Variants in SND1 observed in about 807,000 individuals in gnomAD.
SND1 encodes staphylococcal nuclease and tudor domain containing 1.
A neutral mutation model predicts 121.7 loss-of-function variants in SND1; 38 were observed. The ratio of observed to expected loss-of-function variants is 0.31; its 90% CI spans 0.24 to 0.41. The LOEUF (loss-of-function observed/expected upper bound fraction) is 0.41. Ranked by LOEUF, SND1 falls within the 10% of genes least tolerant of loss-of-function variation. The pLI is 1.00. For missense variants in SND1, 868 were observed against 1,184.6 expected (o/e 0.73, Z 3.92); for synonymous variants, 401 against 447.4 (o/e 0.90, Z 1.31).
At position 128,042,728 on chromosome 7, in the gene SND1, A is replaced by T. The variant is rs147131788; in HGVS notation, c.1780-31774A>T. Among the ~76,000 whole-genome samples the T allele has an allele frequency of 1.6e-3, 247 of 152,364 alleles. 1 individual carries two copies. The highest frequency in any genetic ancestry group is 4.8e-3 in the African/African-American group (199 of 41,582). ...AGAATTCTGCTCCTGAACATCTGGTAGCTGCAAGGTAAAATTCTTTACCAA... is the reference window on the plus strand; with the variant it reads ...AGAATTCTGCTCCTGAACATCTGGTTGCTGCAAGGTAAAATTCTTTACCAA... On this transcript the variant is annotated intron_variant, in intron 16 of 23. Coordinates refer to ENST00000354725, the MANE Select transcript of SND1 (RefSeq NM_014390.4).
intron 10 of SND1, among the ~76,000 whole-genome samples, chr7:127,786,392 A>C (rs1299837002): frequency 6.6e-6 from 1 of 152,184 alleles, no homozygotes; most frequent in African/African-American, 2.4e-5. Flanking sequence ...TTAAAATCTC[A>C]TTGGGAACAA....
chr7:127,701,231 A>G lies in SND1; in HGVS notation c.497A>G (p.Glu166Gly). 1 of 1,614,056 alleles carries G rather than the reference A, an allele frequency of 6.2e-7. No homozygotes were observed. Among genetic ancestry groups the G allele is most frequent in the Non-Finnish European group, 8.5e-7 (1 of 1,179,948 alleles). The change falls in exon 5 of 24, where the codon GAG becomes GGG. Residue 166 changes from glutamate to glycine, a missense_variant. Around this residue, in one of 2 missense-constraint regions of SND1, gnomAD observed 743 missense variants for 1,071.3 expected, o/e 0.69. Transcript: ENST00000354725. Reference sequence around the variant, plus strand: ...GCAGCCAAGAAAGGGATGTGGAGTGAGGGGAACGGTTCACATACTATCCGG... The same window carrying G: ...GCAGCCAAGAAAGGGATGTGGAGTGGGGGGAACGGTTCACATACTATCCGG... ...AKAAKKGMWSEGNGSHTIRDL... is the reference protein window; with the variant it reads ...AKAAKKGMWSGGNGSHTIRDL...
chr7:127,707,624 A>G lies in SND1; in HGVS notation c.1015A>G (p.Lys339Glu), dbSNP rs758301112. 2 of 1,614,078 alleles carry G rather than the reference A, an allele frequency of 1.2e-6. No individual in the cohort carries two copies. The highest frequency in any genetic ancestry group is 1.1e-5 in the South Asian group (1 of 91,078). ...GGCTCCCACAGCTAATTTGGACCAA[A>G]AGGACAAGCAGTTTGTTGCCAAGGT... Reference protein sequence around the residue: ...YVAPTANLDQKDKQFVAKVMQ... With the variant: ...YVAPTANLDQEDKQFVAKVMQ... The change falls in exon 9 of 24, where the codon AAG becomes GAG. Residue 339 changes from lysine to glutamate, a missense_variant. Lys to Glu is a moderately conservative substitution (Grantham distance 56). Around this residue, in one of 2 missense-constraint regions of SND1, gnomAD observed 743 missense variants for 1,071.3 expected, o/e 0.69. Transcript: ENST00000354725.
rs559123607 is a variant in SND1, at chr7:127,781,593, T to G, written c.1153-25891T>G. On this transcript the variant is annotated intron_variant, in intron 10 of 23. Coordinates refer to ENST00000354725, the MANE Select transcript of SND1 (RefSeq NM_014390.4). ...AAACTTTTTTGTTCATTTGATTTTT[T>G]TTTTTCCACTTGGAATAGAAATCCG... is the stretch of plus-strand genomic sequence containing the variant. 1.4e-3 allele frequency among the ~76,000 whole-genome samples: 211 copies of G among 152,318 alleles called. 8 individuals are homozygous for G. The East Asian group carries it at 0.038, about 28-fold the overall frequency.
At chr7:127,908,386 C>T (rs539361334) in intron 14 of SND1, among the ~76,000 whole-genome samples, 1 of 150,832 alleles carries the variant, frequency 6.6e-6, no homozygotes, top group African/African-American at 2.4e-5. Context: ...ATCTGCGTCT[C>T]TTACACCTAT....
At chr7:127,663,251 G>A (rs1354686318) in intron 1 of SND1, among the ~76,000 whole-genome samples, 3 of 152,086 alleles carry the variant, frequency 2.0e-5, no homozygotes, top group Non-Finnish European at 2.9e-5. Context: ...ATGCTATGTA[G>A]ATAGTTGCTA....
At chr7:127,660,889 C>G (rs1258609232) in intron 1 of SND1, among the ~76,000 whole-genome samples, 2 of 152,000 alleles carry the variant, frequency 1.3e-5, no homozygotes, top group African/African-American at 4.8e-5. Flanking sequence ...AAGACGTTTC[C>G]CAGGCATTGA....
chr7:127,943,838 C>CAA (rs905314622), intron 15 of SND1, among the ~76,000 whole-genome samples: 2 of 152,176 alleles, frequency 1.3e-5, no homozygotes, highest in Non-Finnish European at 2.9e-5. Flanking sequence ...ACGAACAACT[C>CAA]AATAAAGAGC....
intron 10 of SND1, among the ~76,000 whole-genome samples, chr7:127,766,664 A>G (rs999477729): frequency 2.1e-5 from 3 of 144,918 alleles, no homozygotes; most frequent in Non-Finnish European, 4.5e-5. Flanking sequence ...AGTCCCAGCT[A>G]CTCAGGAGGC....
At chr7:127,682,381 A>G (rs1459120829) in intron 1 of SND1, among the ~76,000 whole-genome samples, 3 of 152,192 alleles carry the variant, frequency 2.0e-5, no homozygotes, top group African/African-American at 7.2e-5. Flanking sequence ...TCCCTCTGCA[A>G]CCTTTATTGG....
At chr7:127,772,423 A>AAC (rs146917979) in intron 10 of SND1, among the ~76,000 whole-genome samples, 35 of 152,096 alleles carry the variant, frequency 2.3e-4, no homozygotes, top group East Asian at 2.1e-3. Flanking sequence ...CGATCTTTAA[A>AAC]ACACACACAC....
chr7:127,773,171 T>G (rs968996628), intron 10 of SND1, among the ~76,000 whole-genome samples: 1 of 152,140 alleles, frequency 6.6e-6, no homozygotes, highest in Non-Finnish European at 1.5e-5. Context: ...TGAAAATTCT[T>G]GGCCAGGCGT....
At chr7:127,924,180 T>G (rs1187787087) in intron 14 of SND1, among the ~76,000 whole-genome samples, 1 of 152,072 alleles carries the variant, frequency 6.6e-6, no homozygotes, top group Non-Finnish European at 1.5e-5. Flanking sequence ...TGCTTGCACC[T>G]CCAGGGAGGC....
At chr7:127,943,552 T>C (rs1179325099) in intron 15 of SND1, among the ~76,000 whole-genome samples, 1 of 152,216 alleles carries the variant, frequency 6.6e-6, no homozygotes, top group Non-Finnish European at 1.5e-5. Context: ...TAGCTTCTTT[T>C]GGTCTCTGTG....
intron 12 of SND1, among the ~76,000 whole-genome samples, chr7:127,879,511 T>G (rs1033466687): frequency 6.6e-6 from 1 of 152,184 alleles, no homozygotes; most frequent in Non-Finnish European, 1.5e-5. Flanking sequence ...TGACCTTCCT[T>G]ACTCGTTTCT....
At chr7:127,853,755 C>T (rs993257402) in intron 12 of SND1, among the ~76,000 whole-genome samples, 1 of 152,148 alleles carries the variant, frequency 6.6e-6, no homozygotes, top group Non-Finnish European at 1.5e-5. Context: ...TTAAGGTTTT[C>T]TGTGCAGTTT....
intron 10 of SND1, among the ~76,000 whole-genome samples, chr7:127,760,084 T>G (rs977937200): frequency 5.3e-5 from 8 of 152,194 alleles, no homozygotes; most frequent in Non-Finnish European, 8.8e-5. Context: ...GCCCTCCCTA[T>G]GGACTCCCCT....
At chr7:127,802,009 A>AT (rs1270760477) in intron 10 of SND1, among the ~76,000 whole-genome samples, 6 of 151,346 alleles carry the variant, frequency 4.0e-5, no homozygotes, top group Non-Finnish European at 7.4e-5. Flanking sequence ...GCTTGGCTAA[A>AT]TTTTTTTTTG....
intron 10 of SND1, among the ~76,000 whole-genome samples, chr7:127,762,425 C>A (rs757365352): frequency 3.0e-4 from 45 of 152,178 alleles, no homozygotes; most frequent in Non-Finnish European, 4.9e-4. Flanking sequence ...GCACATGTAC[C>A]CCCTACGTCT....
Sources: allele counts gnomAD v4.1 joint callset (sites outside exome capture counted in the v4.1 genomes callset), GRCh38; gene constraint gnomAD v4.1.1; regional missense constraint gnomAD v4.1.1; transcripts MANE v1.5; gene names NCBI Gene and HGNC (gene_info 2026-07-23, HGNC 2026-07-21).